Variants in NCAPH observed in about 807,000 individuals in gnomAD.
NCAPH encodes non-SMC condensin I complex subunit H.
NCAPH carries 38 observed loss-of-function variants against 85.5 expected under a neutral mutation model. That is an observed-to-expected ratio of 0.44 (90% CI 0.34 to 0.58). NCAPH has a LOEUF of 0.58. Ranked by LOEUF, NCAPH falls within the 20% of genes least tolerant of loss-of-function variation. The pLI, the probability that NCAPH is intolerant of heterozygous loss-of-function variation, is 0.01. For synonymous variants in NCAPH, 301 were observed against 335.1 expected, an observed-to-expected ratio of 0.90 and a Z score of 1.11; for missense variants, 789 against 916.6, an observed-to-expected ratio of 0.86 and a Z score of 1.80.
Position 96,342,115 on chromosome 2 carries a change from C to T in NCAPH, c.338C>T (p.Thr113Ile), listed in dbSNP as rs1337547929. The part of the protein sequence containing the change: ...TNTQITEHYS[T>I]CIKLSTENKI... ...ACGCAGATTACGGAACATTACTCCA[C>T]CTGTATCAAACTGTCCACTGAAAAT... is the stretch of plus-strand genomic sequence containing the variant. Residue 113 changes from threonine to isoleucine, a missense_variant, in exon 3 of 18, where the codon ACC becomes ATC. Thr to Ile is a moderately conservative substitution (Grantham distance 89). Transcript: ENST00000240423. 1 of 1,611,454 alleles carries T rather than the reference C, an allele frequency of 6.2e-7. No homozygotes were observed. The highest frequency in any genetic ancestry group is 1.3e-5 in the African/African-American group (1 of 74,976).
At chr2:96,367,462 A>G in intron 15 of NCAPH, 89 bp downstream of exon 15, 1 of 870,294 alleles carries the variant, frequency 1.1e-6, no homozygotes, top group Non-Finnish European at 1.9e-6. Flanking sequence ...GATTTGGGCA[A>G]TGCCTCCAAT....
intron 3 of NCAPH, 73 bp from the exon 4 acceptor site, chr2:96,342,683 C>T: frequency 8.2e-7 from 1 of 1,215,412 alleles, no homozygotes. Flanking sequence ...TTAGCTTCCT[C>T]TGTTAAAAGC....
At chr2:96,358,875 G>T (rs1040517256) in intron 9 of NCAPH, among the ~76,000 whole-genome samples, 170 bp from the exon 10 acceptor site, 1 of 152,210 alleles carries the variant, frequency 6.6e-6, no homozygotes, top group Admixed American at 6.5e-5. Flanking sequence ...TGATTATATT[G>T]TTATAAAATT....
At position 96,349,955 on chromosome 2, in the gene NCAPH, T is replaced by C. The variant is rs192392363; in HGVS notation, c.721-1876T>C. 5.4e-4 allele frequency among the ~76,000 whole-genome samples: 83 copies of C among 152,306 alleles called. 1 individual carries two copies. The highest frequency in any genetic ancestry group is 5.4e-3 in the Admixed American group (82 of 15,302). ...CTTGAACTGGGCCATGAAGGAAGGC[T>C]AGGTGTCTTGTCAGGTAGGCATTGC... On this transcript the variant is annotated intron_variant, in intron 6 of 17. Coordinates refer to ENST00000240423, the MANE Select transcript of NCAPH (RefSeq NM_015341.5).
At chr2:96,364,350 G>C in intron 12 of NCAPH, 131 bp from the exon 13 acceptor site, 1 of 605,968 alleles carries the variant, frequency 1.7e-6, no homozygotes, top group Non-Finnish European at 2.9e-6. Flanking sequence ...TAGATGACTT[G>C]TGAGGGCCCT....
At chr2:96,336,414 G>A (rs1373211041) in intron 1 of NCAPH, among the ~76,000 whole-genome samples, 1 of 152,200 alleles carries the variant, frequency 6.6e-6, no homozygotes, top group Non-Finnish European at 1.5e-5. Flanking sequence ...CAGAGTAGGG[G>A]TGGCTCCGCC....
In NCAPH at chr2:96,375,732, G is replaced by A. The variant is rs1440502295; in HGVS notation, c.*2381G>A. On this transcript the variant is annotated 3_prime_UTR_variant, in exon 18 of 18. Coordinates refer to ENST00000240423, the MANE Select transcript of NCAPH (RefSeq NM_015341.5). ...GAAGTAGGTGTTCTAGGACTGGTGTGACAGTTCCATGAAATTATGAGAGAC... is the reference window on the plus strand; with the variant it reads ...GAAGTAGGTGTTCTAGGACTGGTGTAACAGTTCCATGAAATTATGAGAGAC... Among the ~76,000 whole-genome samples, 4 of 152,200 alleles carry A rather than the reference G, an allele frequency of 2.6e-5. No individual in the cohort carries two copies. Among genetic ancestry groups the A allele is most frequent in the South Asian group, 4.1e-4 (2 of 4,828 alleles).
chr2:96,335,933 G>C, intron 1 of NCAPH, 85 bp downstream of exon 1: 7 of 1,352,194 alleles, frequency 5.2e-6, no homozygotes, highest in Non-Finnish European at 5.8e-6. Context: ...GGCTGGCCTG[G>C]GCGGGGAGAG....
chr2:96,365,450 G>A (rs990476129), intron 13 of NCAPH, among the ~76,000 whole-genome samples: 8 of 151,360 alleles, frequency 5.3e-5, no homozygotes, highest in East Asian at 1.9e-4. Flanking sequence ...GGATGTGATC[G>A]CAAAAATGAC....
At position 96,335,823 on chromosome 2, in the gene NCAPH, A is replaced by G; in HGVS notation, c.-7A>G. 1 of 1,497,140 alleles carries G rather than the reference A, an allele frequency of 6.7e-7. No individual in the cohort carries two copies. The highest frequency in any genetic ancestry group is 8.9e-7 in the Non-Finnish European group (1 of 1,126,332). The allele number at this position is 1,497,140 out of a possible 1,614,324, so 92.7% of individuals were successfully genotyped here. A position where few individuals can be genotyped will look rare whatever the true frequency, so the allele number is the denominator to read the frequency against. The stretch of plus-strand genomic sequence containing the variant: ...TTTAAAACCAGCTCAGGAGACGCCA[A>G]GGAAAGATGGGACCTCCCGGCCCAG... On this transcript the variant is annotated 5_prime_UTR_variant, in exon 1 of 18. Coordinates refer to ENST00000240423, the MANE Select transcript of NCAPH (RefSeq NM_015341.5).
chr2:96,346,965 G>T (rs1437947333), intron 6 of NCAPH, among the ~76,000 whole-genome samples: 1 of 152,152 alleles, frequency 6.6e-6, no homozygotes, highest in Non-Finnish European at 1.5e-5. Flanking sequence ...GCTACACCAG[G>T]AATAAATTTG....
chr2:96,344,271 A>C (rs1030332221), intron 6 of NCAPH, 42 bp downstream of exon 6: 1 of 1,563,226 alleles, frequency 6.4e-7, no homozygotes, highest in Non-Finnish European at 8.6e-7. Flanking sequence ...ACTAATTCAG[A>C]ACCTTAGGGG....
intron 10 of NCAPH, 65 bp downstream of exon 10, chr2:96,359,258 A>G: frequency 6.3e-7 from 1 of 1,581,932 alleles, no homozygotes; most frequent in Non-Finnish European, 8.6e-7. Flanking sequence ...GTCAGCAGTT[A>G]GCCAAGGAAA....
chr2:96,349,847 G>A (rs2064413550), intron 6 of NCAPH, among the ~76,000 whole-genome samples: 1 of 152,192 alleles, frequency 6.6e-6, no homozygotes, highest in African/African-American at 2.4e-5. Flanking sequence ...GGAGAATACA[G>A]GTAGATGAAT....
At chr2:96,336,813 A>G (rs554584872) in intron 1 of NCAPH, among the ~76,000 whole-genome samples, 17 of 152,342 alleles carry the variant, frequency 1.1e-4, no homozygotes, top group Admixed American at 5.9e-4. Context: ...TGAGAACACT[A>G]GGAAGGCCCT....
At chr2:96,369,859 CAGAGAGAAGAGG>C (rs1265554436) in intron 17 of NCAPH, among the ~76,000 whole-genome samples, 5 of 152,078 alleles carry the variant, frequency 3.3e-5, no homozygotes, top group Non-Finnish European at 5.9e-5. Flanking sequence ...GGAGACATGG[CAGAGAGAAGAGG>C]AGAGAAATGA....
chr2:96,372,978 C>T (rs1441943369), intron 17 of NCAPH, among the ~76,000 whole-genome samples: 1 of 152,130 alleles, frequency 6.6e-6, no homozygotes, highest in Non-Finnish European at 1.5e-5. Flanking sequence ...TGTGGCTCCT[C>T]ATGACCTCCC....
chr2:96,342,551 G>T (rs2064310419), intron 3 of NCAPH, among the ~76,000 whole-genome samples: 2 of 152,224 alleles, frequency 1.3e-5, no homozygotes, highest in South Asian at 4.1e-4. Flanking sequence ...GAGCATTCAG[G>T]AATTTTGTGC....
At chr2:96,350,621 GC>G (rs2064427410) in intron 6 of NCAPH, among the ~76,000 whole-genome samples, 2 of 152,152 alleles carry the variant, frequency 1.3e-5, no homozygotes, top group Non-Finnish European at 2.9e-5. Context: ...CTGCCTGAGG[GC>G]TAAAGGGATG....
Sources: allele counts gnomAD v4.1 joint callset (sites outside exome capture counted in the v4.1 genomes callset), GRCh38; gene constraint gnomAD v4.1.1; transcripts MANE v1.5; gene names NCBI Gene and HGNC (gene_info 2026-07-23, HGNC 2026-07-21).